PEDS1: variants seen among roughly 807,000 people sequenced by gnomAD.
The protein encoded by PEDS1 is plasmanylethanolamine desaturase 1, also known as CarF homolog.
Under a neutral mutation model 35.2 loss-of-function variants are expected in PEDS1, and 14 were observed. The ratio of observed to expected loss-of-function variants is 0.40; its 90% CI spans 0.26 to 0.62. PEDS1 has a LOEUF of 0.62. PEDS1 is among the 20% of genes least tolerant of loss of function. The pLI, the probability that PEDS1 is intolerant of heterozygous loss-of-function variation, is 0.44. For synonymous variants in PEDS1, 152 were observed against 152.0 expected, an observed-to-expected ratio of 1.00 and a Z score of 0.00; for missense variants, 260 against 367.8, an observed-to-expected ratio of 0.71 and a Z score of 2.40.
chr20:50,130,628 G>A (rs2081168204), intron 3 of PEDS1, among the ~76,000 whole-genome samples: 1 of 152,216 alleles, frequency 6.6e-6, no homozygotes, highest in Non-Finnish European at 1.5e-5. Flanking sequence ...GGGTTCTGAT[G>A]AGGCAGGCAC....
intron 1 of PEDS1, among the ~76,000 whole-genome samples, chr20:50,145,249 G>A (rs1331009583): frequency 6.6e-6 from 1 of 151,774 alleles, no homozygotes; most frequent in Admixed American, 6.6e-5. Flanking sequence ...AATAAAAGGG[G>A]TTAGGCCCAG....
At chr20:50,151,123 TC>T in intron 1 of PEDS1, 1 of 686,232 alleles carries the variant, frequency 1.5e-6, no homozygotes, top group Non-Finnish European at 2.2e-6. Flanking sequence ...GTCAAATACT[TC>T]CCCAAGATCA....
At chr20:50,131,836 C>T (rs1036576467) in intron 2 of PEDS1, among the ~76,000 whole-genome samples, 4 of 152,172 alleles carry the variant, frequency 2.6e-5, no homozygotes, top group African/African-American at 9.7e-5. Flanking sequence ...ACTCAAATTC[C>T]AGTGCTGGCA....
At position 50,124,782 on chromosome 20, in the gene PEDS1, T is replaced by C. The variant is rs764563832; in HGVS notation, c.*276A>G. Reference sequence around the variant, plus strand: ...GGACGGCAGGCGTGCAGGGAGTGGGTAAACCTCCTCTCTACCAGGGGAGGC... The same window carrying C: ...GGACGGCAGGCGTGCAGGGAGTGGGCAAACCTCCTCTCTACCAGGGGAGGC... On this transcript the variant is annotated 3_prime_UTR_variant, in exon 6 of 6. Transcript: ENST00000371652. The C allele has an allele frequency of 1.6e-5, 6 of 371,758 alleles. No homozygotes were observed. Among genetic ancestry groups the C allele is most frequent in the Non-Finnish European group, 3.0e-5 (6 of 196,948 alleles). 23.0% of individuals were successfully genotyped at this position (371,758 alleles called of 1,614,324 possible). A position where few individuals can be genotyped will look rare whatever the true frequency, so the allele number is the denominator to read the frequency against.
chr20:50,143,509 G>A lies in PEDS1; in HGVS notation c.234C>T (p.Leu78=), dbSNP rs772364544. 15 of 1,606,876 alleles carry A rather than the reference G, an allele frequency of 9.3e-6. No homozygotes were observed. Among genetic ancestry groups the A allele is most frequent in the African/African-American group, 1.3e-5 (1 of 74,858 alleles). The change falls in exon 2 of 6, where the codon CTC becomes CTT. Residue 78 remains leucine (L), a synonymous_variant. Coordinates refer to ENST00000371652, the MANE Select transcript of PEDS1 (RefSeq NM_199129.4). ...ARWEDTPLVI[L]GVVAGALIAD... ...AGTGCCTCGGGCACTCACCAACACC[G>A]AGTATGACGAGGGGTGTGTCCTCCC...
At chr20:50,139,219 T>A (rs938172735) in intron 2 of PEDS1, among the ~76,000 whole-genome samples, 2 of 152,028 alleles carry the variant, frequency 1.3e-5, no homozygotes, top group African/African-American at 2.4e-5. Context: ...TCTCCCAAGG[T>A]CCACGAAGGA....
At chr20:50,147,014 G>A (rs377363058) in intron 1 of PEDS1, among the ~76,000 whole-genome samples, 11 of 152,296 alleles carry the variant, frequency 7.2e-5, no homozygotes, top group African/African-American at 2.6e-4. Flanking sequence ...CGGAGAGGCG[G>A]TGAGAAGGAA....
In PEDS1 at chr20:50,129,820, T is replaced by G. The variant is rs763122468; in HGVS notation, c.334-130A>C. On this transcript the variant is annotated intron_variant, in intron 3 of 5. Transcript: ENST00000371652. This position sits in a 1 kb window ranked among gnomAD's most constrained non-coding sequence, Gnocchi z 4.2. ...CCTAAGTTTCCTCCACCCGGGATGCTTGAACATTCCCACCTGGCCCACTGC... is the reference window on the plus strand; with the variant it reads ...CCTAAGTTTCCTCCACCCGGGATGCGTGAACATTCCCACCTGGCCCACTGC... The G allele has an allele frequency of 2.8e-6, 4 of 1,431,516 alleles. No individual in the cohort carries two copies. The highest frequency in any genetic ancestry group is 2.8e-6 in the Non-Finnish European group (3 of 1,075,802). The allele number at this position is 1,431,516 out of a possible 1,614,324, so 88.7% of individuals were successfully genotyped here.
rs2081069999 is a variant in PEDS1, at chr20:50,123,635, T to C, written c.*1423A>G. 6.6e-6 allele frequency: 1 copy of C among 152,280 alleles called. No homozygotes were observed. The highest frequency in any genetic ancestry group is 3.2e-3 in the Middle Eastern group (1 of 316). The allele number at this position is 152,280 out of a possible 1,614,324, so 9.4% of individuals were successfully genotyped here. ...CAAGAGGCCTCTTCCCTCACTTCTTTCGTGTCTGACCTCCTCTCCTCCCCC... is the reference window on the plus strand; with the variant it reads ...CAAGAGGCCTCTTCCCTCACTTCTTCCGTGTCTGACCTCCTCTCCTCCCCC... On this transcript the variant is annotated 3_prime_UTR_variant, in exon 6 of 6. Transcript: ENST00000371652.
intron 2 of PEDS1, among the ~76,000 whole-genome samples, chr20:50,139,928 AC>A (rs1000548095): frequency 2.0e-5 from 3 of 151,300 alleles, no homozygotes; most frequent in Non-Finnish European, 4.4e-5. Flanking sequence ...GCCCGGCCGG[AC>A]CCCCAGATTG....
In PEDS1 at chr20:50,128,941, G is replaced by T. The variant is rs1040622318; in HGVS notation, c.478+605C>A. On this transcript the variant is annotated intron_variant, in intron 4 of 5. Coordinates refer to ENST00000371652, the MANE Select transcript of PEDS1 (RefSeq NM_199129.4). The surrounding 1 kb of genome is among the most constrained non-coding windows in gnomAD (Gnocchi z 5.2). Reference sequence around the variant, plus strand: ...ACCCCCAGGGAAGGGGATGGGCAGGGTGCCATAGCACCCACTACACTACAC... The same window carrying T: ...ACCCCCAGGGAAGGGGATGGGCAGGTTGCCATAGCACCCACTACACTACAC... Among the ~76,000 whole-genome samples the T allele has an allele frequency of 6.6e-6, 1 of 152,208 alleles. No individual in the cohort carries two copies. Among genetic ancestry groups the T allele is most frequent in the African/African-American group, 2.4e-5 (1 of 41,456 alleles).
At chr20:50,135,439 G>A (rs232743) in intron 2 of PEDS1, among the ~76,000 whole-genome samples, 1 of 151,772 alleles carries the variant, frequency 6.6e-6, no homozygotes, top group African/African-American at 2.4e-5. Flanking sequence ...CAAGCGGATC[G>A]CCTGAGGTCA....
intron 1 of PEDS1, among the ~76,000 whole-genome samples, chr20:50,151,016 T>C (rs2081397548): frequency 6.6e-6 from 1 of 152,160 alleles, no homozygotes; most frequent in Non-Finnish European, 1.5e-5. Flanking sequence ...TTTTCTGTCT[T>C]GTTCACCATT....
chr20:50,151,867 T>C (rs6095795), intron 1 of PEDS1, among the ~76,000 whole-genome samples: 14,876 of 150,934 alleles, frequency 0.099, 2,352 homozygotes, highest in African/African-American at 0.34. Flanking sequence ...TCAAAACAAA[T>C]AAAACAAAAC....
chr20:50,134,009 G>A (rs918285768), intron 2 of PEDS1, among the ~76,000 whole-genome samples: 2 of 152,206 alleles, frequency 1.3e-5, no homozygotes, highest in Admixed American at 1.3e-4. Context: ...ACTTTGGGAT[G>A]CTGTGTATGC....
chr20:50,151,926 T>C (rs1365766537), intron 1 of PEDS1, among the ~76,000 whole-genome samples: 1 of 152,126 alleles, frequency 6.6e-6, no homozygotes. Context: ...GAGTGCCTAC[T>C]GAATGCCAGT....
chr20:50,140,699 C>T (rs1340703690), intron 2 of PEDS1, among the ~76,000 whole-genome samples: 4 of 152,186 alleles, frequency 2.6e-5, no homozygotes, highest in African/African-American at 4.8e-5. Flanking sequence ...TGCTGCATCA[C>T]GTGTGTCTGT....
At chr20:50,140,796 G>A (rs2081284818) in intron 2 of PEDS1, among the ~76,000 whole-genome samples, 1 of 152,172 alleles carries the variant, frequency 6.6e-6, no homozygotes, top group Non-Finnish European at 1.5e-5. Context: ...GGGAGATAGG[G>A]GTAGGGGGCA....
At chr20:50,125,819 T>C (rs892189819) in intron 5 of PEDS1, among the ~76,000 whole-genome samples, 1 of 152,116 alleles carries the variant, frequency 6.6e-6, no homozygotes, top group African/African-American at 2.4e-5. Context: ...TCTCGATCTC[T>C]TGACCTCGTG....
Sources: allele counts gnomAD v4.1 joint callset (sites outside exome capture counted in the v4.1 genomes callset), GRCh38; gene constraint gnomAD v4.1.1; non-coding constraint Gnocchi (gnomAD v3.1); transcripts MANE v1.5; gene names NCBI Gene and HGNC (gene_info 2026-07-23, HGNC 2026-07-21).